Variants in ZNF407 observed in about 807,000 individuals in gnomAD.
The protein encoded by ZNF407 is zinc finger protein 407.
ZNF407 carries 17 observed loss-of-function variants against 131.2 expected under a neutral mutation model. That is an observed-to-expected ratio of 0.13 (90% CI 0.09 to 0.19). The LOEUF is 0.19. Among genes scored for constraint, ZNF407 ranks in the 10% least tolerant of loss-of-function variants. The pLI is 1.00. For synonymous variants in ZNF407, 1,156 were observed against 1,062.0 expected, an observed-to-expected ratio of 1.09 and a Z score of -1.72; for missense variants, 2,681 against 2,830.6, an observed-to-expected ratio of 0.95 and a Z score of 1.20.
intron 7 of ZNF407, among the ~76,000 whole-genome samples, chr18:74,919,150 C>T (rs1369944209): frequency 2.0e-5 from 3 of 152,186 alleles, no homozygotes; most frequent in Admixed American, 6.5e-5. Flanking sequence ...CTCGCTTGGA[C>T]GATACTTCCT....
intron 4 of ZNF407, among the ~76,000 whole-genome samples, chr18:74,873,000 T>G (rs1375047474): frequency 1.4e-5 from 2 of 144,478 alleles, no homozygotes; most frequent in African/African-American, 2.9e-5. Context: ...TTTAGGATAC[T>G]TACCTTAGTA....
intron 8 of ZNF407, among the ~76,000 whole-genome samples, chr18:75,003,517 C>T (rs1972872012): frequency 6.6e-6 from 1 of 152,184 alleles, no homozygotes; most frequent in Non-Finnish European, 1.5e-5. Flanking sequence ...CTTTCTTCCC[C>T]TTCTTCCCTT....
chr18:74,930,198 A>G (rs1453970075), intron 8 of ZNF407, among the ~76,000 whole-genome samples: 1 of 152,168 alleles, frequency 6.6e-6, no homozygotes, highest in Admixed American at 6.5e-5. Context: ...CTTAAGGAAC[A>G]TGGATTTGTT....
chr18:74,675,031 G>C (rs978606799), intron 3 of ZNF407, among the ~76,000 whole-genome samples: 2 of 152,112 alleles, frequency 1.3e-5, no homozygotes, highest in Non-Finnish European at 2.9e-5. Flanking sequence ...AACTTAATAT[G>C]GTCCAAATAG....
intron 8 of ZNF407, among the ~76,000 whole-genome samples, chr18:75,038,986 G>A (rs1292788916): frequency 6.6e-6 from 1 of 152,230 alleles, no homozygotes; most frequent in African/African-American, 2.4e-5. Context: ...TAGCCAGCTA[G>A]ACGGATCTGA....
intron 3 of ZNF407, among the ~76,000 whole-genome samples, chr18:74,641,397 C>A (rs1984709805): frequency 6.6e-6 from 1 of 152,030 alleles, no homozygotes; most frequent in African/African-American, 2.4e-5. Flanking sequence ...ATTCACATTG[C>A]CAGAGAGAAC....
In ZNF407 at chr18:74,632,041, G is replaced by A. The variant is rs1335593907; in HGVS notation, c.1022G>A (p.Ser341Asn). 1.9e-6 allele frequency: 3 copies of A among 1,613,678 alleles called. No homozygotes were observed. The highest frequency in any genetic ancestry group is 2.5e-6 in the Non-Finnish European group (3 of 1,179,838). ...AGTATTTCTAAACAAAGTGGTAGTA[G>A]CAGTGAGCTTCTTGTTGAAATGATG... ...RGSISKQSGS[S>N]SELLVEMMPS... The change falls in exon 2 of 9, where the codon AGC becomes AAC. Residue 341 changes from serine (S) to asparagine (N), a missense_variant. Around this residue, in one of 6 missense-constraint regions of ZNF407, gnomAD observed 1,789 missense variants for 1,748.7 expected, o/e 1.02. Transcript: ENST00000299687.
intron 7 of ZNF407, chr18:74,905,801 G>A (rs1440969655): frequency 6.6e-6 from 1 of 152,062 alleles, no homozygotes; most frequent in African/African-American, 2.4e-5. Context: ...TTATAATAAA[G>A]GAAAATAAAA....
At chr18:74,941,689 T>G (rs1235824416) in intron 8 of ZNF407, among the ~76,000 whole-genome samples, 1 of 152,220 alleles carries the variant, frequency 6.6e-6, no homozygotes, top group Non-Finnish European at 1.5e-5. Context: ...GGGTCCCCCT[T>G]CGTTTCTTTC....
At chr18:74,954,676 AT>A (rs1277400814) in intron 8 of ZNF407, among the ~76,000 whole-genome samples, 4 of 152,172 alleles carry the variant, frequency 2.6e-5, no homozygotes, top group Non-Finnish European at 5.9e-5. Flanking sequence ...TAACCCACAT[AT>A]TTTTATATTT....
chr18:75,039,295 C>G (rs937227627), intron 8 of ZNF407, among the ~76,000 whole-genome samples: 16 of 152,166 alleles, frequency 1.1e-4, no homozygotes, highest in Non-Finnish European at 2.1e-4. Flanking sequence ...TTTTCTCAGT[C>G]TTAGGTTTAT....
At chr18:74,797,228 C>A (rs1969937103) in intron 4 of ZNF407, among the ~76,000 whole-genome samples, 1 of 152,112 alleles carries the variant, frequency 6.6e-6, no homozygotes, top group African/African-American at 2.4e-5. Context: ...TCAAGGGGCT[C>A]CAGAACTGAA....
intron 4 of ZNF407, chr18:74,804,129 A>ATTTCATTG: frequency 6.7e-7 from 1 of 1,500,474 alleles, no homozygotes; most frequent in Non-Finnish European, 8.9e-7. Context: ...AGTTAGACAT[A>ATTTCATTG]TTTCATTGTC....
intron 6 of ZNF407, among the ~76,000 whole-genome samples, chr18:74,881,853 A>G (rs564811045): frequency 1.3e-5 from 2 of 152,318 alleles, no homozygotes; most frequent in African/African-American, 4.8e-5. Context: ...GCAATTTACA[A>G]AAGAAAGCAG....
intron 6 of ZNF407, 70 bp from the exon 7 acceptor site, chr18:74,889,848 A>C: frequency 7.1e-7 from 1 of 1,410,864 alleles, no homozygotes; most frequent in Non-Finnish European, 9.7e-7. Context: ...TAAATTGTCA[A>C]TACCAGGTTT....
intron 4 of ZNF407, among the ~76,000 whole-genome samples, 181 bp from the exon 5 acceptor site, chr18:74,877,016 A>C (rs1971166615): frequency 6.6e-6 from 1 of 152,250 alleles, no homozygotes; most frequent in South Asian, 2.1e-4. Flanking sequence ...AAATGGCTGA[A>C]GTGCCAGGCC....
chr18:74,875,671 G>C (rs1369984522), intron 4 of ZNF407, among the ~76,000 whole-genome samples: 1 of 152,002 alleles, frequency 6.6e-6, no homozygotes, highest in Non-Finnish European at 1.5e-5. Flanking sequence ...TTTTTACAGT[G>C]CATATCCAAG....
intron 3 of ZNF407, among the ~76,000 whole-genome samples, chr18:74,681,330 C>T (rs955252131): frequency 6.6e-6 from 1 of 152,014 alleles, no homozygotes; most frequent in African/African-American, 2.4e-5. Context: ...TGAACTCCTG[C>T]GCCTAAATGC....
intron 8 of ZNF407, among the ~76,000 whole-genome samples, chr18:74,931,546 TAGAG>T (rs138720732): frequency 0.011 from 1,692 of 152,270 alleles, 27 homozygotes; most frequent in African/African-American, 0.038. Flanking sequence ...CAATTATTAA[TAGAG>T]AGGCTTTAAA....
Sources: allele counts gnomAD v4.1 joint callset (sites outside exome capture counted in the v4.1 genomes callset), GRCh38; gene constraint gnomAD v4.1.1; regional missense constraint gnomAD v4.1.1; transcripts MANE v1.5; gene names NCBI Gene and HGNC (gene_info 2026-07-23, HGNC 2026-07-21).